The following EML4 variants were observed in gnomAD, a reference collection of about 807,000 sequenced individuals.
The protein encoded by EML4 is EMAP like 4.
EML4 carries 72 observed loss-of-function variants against 129.0 expected under a neutral mutation model. The observed-to-expected ratio is 0.56, with a 90% confidence interval of 0.46 to 0.68. The LOEUF is 0.68. Among genes scored for constraint, EML4 ranks in the 30% least tolerant of loss-of-function variants. The pLI, the probability that EML4 is intolerant of heterozygous loss-of-function variation, is 0.00. For missense variants in EML4, 1,363 were observed against 1,190.6 expected (o/e 1.14, Z -2.13); for synonymous variants, 532 against 405.0 (o/e 1.31, Z -3.77).
chr2:42,257,492 T>G (rs904297567), intron 3 of EML4, among the ~76,000 whole-genome samples: 2 of 152,132 alleles, frequency 1.3e-5, no homozygotes, highest in African/African-American at 2.4e-5. Flanking sequence ...AACCAAACAG[T>G]TGATGACAAG....
chr2:42,177,064 G>A (rs911246927), intron 1 of EML4, among the ~76,000 whole-genome samples: 1 of 152,060 alleles, frequency 6.6e-6, no homozygotes, highest in Admixed American at 6.6e-5. Context: ...GAGTGCTGGG[G>A]GATTGCAGGT....
intron 1 of EML4, among the ~76,000 whole-genome samples, chr2:42,243,396 C>T (rs529935840): frequency 6.6e-6 from 1 of 150,676 alleles, no homozygotes; most frequent in African/African-American, 2.4e-5. Flanking sequence ...AGGCGAGAGA[C>T]TGAATTGTTC....
Position 42,169,618 on chromosome 2 carries a change from G to C in EML4, c.7G>C (p.Gly3Arg). The change falls in exon 1 of 23, where the codon GGT becomes CGT. Residue 3 changes from glycine to arginine, a missense_variant. Coordinates refer to ENST00000318522, the MANE Select transcript of EML4 (RefSeq NM_019063.5). MD[G>R]FAGSLDDSIS... Reference sequence around the variant, plus strand: ...CCGGCGCTTTCCCCGCAAGATGGACGGTTTCGCCGGCAGTCTCGGTGAGTA... The same window carrying C: ...CCGGCGCTTTCCCCGCAAGATGGACCGTTTCGCCGGCAGTCTCGGTGAGTA... 4 of 1,600,954 alleles carry C rather than the reference G, an allele frequency of 2.5e-6. No homozygotes were observed. Among genetic ancestry groups the C allele is most frequent in the Non-Finnish European group, 3.4e-6 (4 of 1,174,402 alleles).
chr2:42,309,605 G>A (rs568200692), intron 17 of EML4, among the ~76,000 whole-genome samples: 1 of 152,202 alleles, frequency 6.6e-6, no homozygotes, highest in Non-Finnish European at 1.5e-5. Context: ...GTGTGAAGTA[G>A]TTTTTCATTA....
intron 2 of EML4, among the ~76,000 whole-genome samples, chr2:42,255,386 T>C (rs932521916): frequency 6.6e-6 from 1 of 152,222 alleles, no homozygotes; most frequent in African/African-American, 2.4e-5. Flanking sequence ...GCCCAGCCAA[T>C]GGATACATGG....
chr2:42,223,021 G>A (rs973709877), intron 1 of EML4, among the ~76,000 whole-genome samples: 5 of 151,946 alleles, frequency 3.3e-5, no homozygotes, highest in African/African-American at 7.2e-5. Context: ...GGATGGTCTC[G>A]ATCTCCTGAC....
In EML4 at chr2:42,322,003, C is replaced by A. The variant is rs145718047; in HGVS notation, c.2155-3464C>A. 1.3e-3 allele frequency among the ~76,000 whole-genome samples: 205 copies of A among 152,266 alleles called. 4 individuals carry two copies. In the East Asian group the frequency reaches 0.037, roughly 28 times the overall value. The stretch of plus-strand genomic sequence containing the variant: ...CAAACTTCTCTAAGTTTGATATGAT[C>A]TTCAGATTTTCAACATATTTATGGG... On this transcript the variant is annotated intron_variant, in intron 19 of 22. Transcript: ENST00000318522.
At chr2:42,325,599 TATTTATATATATATA>T (rs1669750080) in intron 20 of EML4, 45 bp downstream of exon 20, 4 of 124,284 alleles carry the variant, frequency 3.2e-5, no homozygotes, top group Admixed American at 3.2e-4. Flanking sequence ...GCTATGATTA[TATTTATATATATATA>T]TATATATATA....
chr2:42,261,124 T>C lies in EML4; in HGVS notation c.342T>C (p.Gly114=). The C allele has an allele frequency of 6.2e-7, 1 of 1,602,906 alleles. No homozygotes were observed. The highest frequency in any genetic ancestry group is 1.3e-5 in the African/African-American group (1 of 74,150). The change falls in exon 4 of 23, where the codon GGT becomes GGC. Residue 114 remains glycine (G), a synonymous_variant. Transcript: ENST00000318522. ...CATGTTATACTTTATTTTACAGTGG[T>C]ACAGAAAAAAAGAAAGAAAAACCAC... ...KETLSSAAKS[G]TEKKKEKPQG... is the part of the protein sequence containing the mutation.
chr2:42,293,108 C>CT (rs919853054), intron 11 of EML4, among the ~76,000 whole-genome samples: 230 of 146,958 alleles, frequency 1.6e-3, no homozygotes, highest in Admixed American at 4.0e-3. Flanking sequence ...TTATCTTCAA[C>CT]TTTTTTTTTT....
At chr2:42,311,552 A>T (rs1668951173) in intron 17 of EML4, among the ~76,000 whole-genome samples, 3 of 152,080 alleles carry the variant, frequency 2.0e-5, no homozygotes, top group African/African-American at 4.8e-5. Flanking sequence ...AAAAAAAAAA[A>T]TGGTAATAAT....
chr2:42,229,932 GAAA>G (rs1674220452), intron 1 of EML4, among the ~76,000 whole-genome samples: 1 of 151,652 alleles, frequency 6.6e-6, no homozygotes, highest in Non-Finnish European at 1.5e-5. Context: ...TTCAGAGAAA[GAAA>G]AAAACCATAA....
intron 1 of EML4, among the ~76,000 whole-genome samples, chr2:42,218,266 C>G (rs1255731281): frequency 6.6e-6 from 1 of 152,038 alleles, no homozygotes; most frequent in East Asian, 1.9e-4. Flanking sequence ...AATGCCTGAT[C>G]TGTCACTGTT....
intron 1 of EML4, among the ~76,000 whole-genome samples, chr2:42,207,517 G>A (rs1332395886): frequency 6.6e-6 from 1 of 152,134 alleles, no homozygotes; most frequent in Non-Finnish European, 1.5e-5. Context: ...AGCTCTACCT[G>A]AACCACTTTT....
At chr2:42,191,741 T>C (rs917254490) in intron 1 of EML4, among the ~76,000 whole-genome samples, 1 of 152,248 alleles carries the variant, frequency 6.6e-6, no homozygotes, top group African/African-American at 2.4e-5. Context: ...TTATGTTTTA[T>C]CACCACCTCA....
Position 42,331,257 on chromosome 2 carries a change from G to GTAAC in EML4, c.*1051_*1054dup, listed in dbSNP as rs1490504613. The GTAAC allele has an allele frequency of 4.5e-6, 1 of 223,318 alleles. No individual in the cohort carries two copies. Among genetic ancestry groups the GTAAC allele is most frequent in the East Asian group, 6.6e-5 (1 of 15,164 alleles). 13.8% of individuals were successfully genotyped at this position (223,318 alleles called of 1,614,324 possible). A position where few individuals can be genotyped will look rare whatever the true frequency, so the allele number is the denominator to read the frequency against. ...AATTCTTTTTTTTACAGAAGTGTGGGTAACAGTCACAGCAGTTTTTTTTAC... is the reference window on the plus strand; with the variant it reads ...AATTCTTTTTTTTACAGAAGTGTGGGTAACTAACAGTCACAGCAGTTTTTTTTAC... On this transcript the variant is annotated 3_prime_UTR_variant, in exon 23 of 23. Transcript: ENST00000318522.
At chr2:42,187,628 A>G (rs917437406) in intron 1 of EML4, among the ~76,000 whole-genome samples, 3 of 152,054 alleles carry the variant, frequency 2.0e-5, no homozygotes, top group African/African-American at 7.2e-5. Context: ...GCAACCATGA[A>G]TCTGTTTTCT....
intron 1 of EML4, among the ~76,000 whole-genome samples, chr2:42,189,740 T>C (rs961703519): frequency 1.1e-4 from 17 of 152,256 alleles, no homozygotes; most frequent in Admixed American, 1.1e-3. Flanking sequence ...GATAAAGCAC[T>C]GAAGCCCAAG....
chr2:42,266,269 A>G (rs17029475), intron 6 of EML4, among the ~76,000 whole-genome samples: 8,237 of 152,294 alleles, frequency 0.054, 699 homozygotes, highest in African/African-American at 0.19. Flanking sequence ...TTTATAATAC[A>G]ACATAGATTA....
Sources: gnomAD v4.1 joint callset for allele counts (sites outside exome capture counted in the v4.1 genomes callset) on GRCh38, gnomAD v4.1.1 for gene constraint, MANE v1.5 for transcripts, NCBI Gene and HGNC (gene_info 2026-07-23, HGNC 2026-07-21) for gene names.